TOX2: variants seen among roughly 807,000 people sequenced by gnomAD.
The protein encoded by TOX2 is TOX high mobility group box family member 2, also known as granulosa cell HMG box 1.
TOX2 carries 15 observed loss-of-function variants against 47.4 expected under a neutral mutation model. The observed-to-expected ratio is 0.32, with a 90% CI of 0.21 to 0.49. TOX2 has a LOEUF of 0.49. TOX2 is among the 20% of genes least tolerant of loss of function. TOX2 has a pLI of 0.99. For synonymous variants in TOX2, 290 were observed against 296.6 expected (o/e 0.98, Z 0.23); for missense variants, 622 against 673.1 (o/e 0.92, Z 0.84).
intron 1 of TOX2, among the ~76,000 whole-genome samples, chr20:43,968,492 C>T (rs2069901260): frequency 6.6e-6 from 1 of 152,116 alleles, no homozygotes; most frequent in South Asian, 2.1e-4. Flanking sequence ...CCGAGGAGCT[C>T]TTTTCCCTGA....
intron 4 of TOX2, among the ~76,000 whole-genome samples, chr20:44,053,541 T>TATATATACAC (rs1491124985): frequency 1.3e-4 from 6 of 46,862 alleles, no homozygotes; most frequent in Non-Finnish European, 2.8e-4. Flanking sequence ...ACATATATAC[T>TATATATACAC]ATATATATAC....
chr20:44,008,901 G>A (rs1285726665), intron 3 of TOX2, among the ~76,000 whole-genome samples: 2 of 152,254 alleles, frequency 1.3e-5, no homozygotes, highest in African/African-American at 4.8e-5. Context: ...CAACAGGCTT[G>A]ATGGCTGCTG....
At chr20:43,941,401 C>T (rs111733034) in intron 1 of TOX2, among the ~76,000 whole-genome samples, 16 of 151,116 alleles carry the variant, frequency 1.1e-4, no homozygotes, top group African/African-American at 3.9e-4. Context: ...GGCGCGATCT[C>T]GGCTCACTGC....
chr20:44,035,781 G>C (rs2071229451), intron 3 of TOX2, among the ~76,000 whole-genome samples: 2 of 152,188 alleles, frequency 1.3e-5, no homozygotes, highest in Admixed American at 6.5e-5. Context: ...TCATCTGTCA[G>C]GTTCCCTGGA....
intron 5 of TOX2, 81 bp from the exon 6 acceptor site, chr20:44,064,696 A>T: frequency 7.3e-7 from 1 of 1,364,414 alleles, no homozygotes. Context: ...CCTTGAATCC[A>T]TGCCTTCCCA....
intron 2 of TOX2, among the ~76,000 whole-genome samples, chr20:43,976,584 A>G (rs918577680): frequency 1.3e-5 from 2 of 152,234 alleles, no homozygotes; most frequent in African/African-American, 4.8e-5. Flanking sequence ...CCTTTTTACA[A>G]ACTACCACAT....
intron 2 of TOX2, 55 bp downstream of exon 2, chr20:43,973,487 T>C: frequency 6.4e-7 from 1 of 1,562,062 alleles, no homozygotes; most frequent in East Asian, 2.2e-5. Context: ...TGGCTGGATC[T>C]GAGCTGTTCC....
At chr20:43,926,652 G>T (rs951478508) in intron 1 of TOX2, among the ~76,000 whole-genome samples, 1 of 152,234 alleles carries the variant, frequency 6.6e-6, no homozygotes, top group African/African-American at 2.4e-5. Context: ...CAGGATCGGT[G>T]TAGCGCTTGT....
At chr20:43,955,327 G>C in intron 1 of TOX2, 1 of 983,764 alleles carries the variant, frequency 1.0e-6, no homozygotes, top group Non-Finnish European at 1.2e-6. Context: ...GGGGGCCTCT[G>C]GCAGCCATCG....
At chr20:43,999,291 C>T (rs920590576) in intron 2 of TOX2, among the ~76,000 whole-genome samples, 17 of 152,052 alleles carry the variant, frequency 1.1e-4, no homozygotes, top group African/African-American at 4.1e-4. Context: ...TGATAAAGTT[C>T]TGTTTTCTTC....
intron 5 of TOX2, among the ~76,000 whole-genome samples, chr20:44,064,405 G>C (rs2071773145): frequency 6.6e-6 from 1 of 152,238 alleles, no homozygotes; most frequent in African/African-American, 2.4e-5. Flanking sequence ...CTATGAACAA[G>C]TAGGTTCATT....
At chr20:43,930,776 T>TATG (rs2069241827) in intron 1 of TOX2, among the ~76,000 whole-genome samples, 1 of 152,212 alleles carries the variant, frequency 6.6e-6, no homozygotes, top group South Asian at 2.1e-4. Context: ...TTATGAACAC[T>TATG]ATGTTACCTG....
At chr20:43,928,794 A>G (rs1005532934) in intron 1 of TOX2, among the ~76,000 whole-genome samples, 1 of 152,026 alleles carries the variant, frequency 6.6e-6, no homozygotes, top group Non-Finnish European at 1.5e-5. Flanking sequence ...GCCACCATCA[A>G]TGTCTTTATG....
intron 1 of TOX2, among the ~76,000 whole-genome samples, chr20:43,961,123 A>C (rs1432842751): frequency 6.6e-6 from 1 of 152,250 alleles, no homozygotes. Flanking sequence ...GGGTGCCCCC[A>C]TGGCAGAGGG....
Position 43,916,116 on chromosome 20 carries a change from C to G in TOX2, c.99+1126C>G. ...CGGTCCCGGGCCGGCTGGAGCCAAG[C>G]GCGGGTTTTCGTCACTCGGAGCCCG... On this transcript the variant is annotated intron_variant, in intron 1 of 8. Transcript: ENST00000341197. The surrounding 1 kb of genome is among the most constrained non-coding windows in gnomAD (Gnocchi z 5.0). 2 of 985,474 alleles carry G rather than the reference C, an allele frequency of 2.0e-6. No homozygotes were observed. The highest frequency in any genetic ancestry group is 2.4e-6 in the Non-Finnish European group (2 of 829,918). The allele number at this position is 985,474 out of a possible 1,614,324, so 61.0% of individuals were successfully genotyped here. A position where few individuals can be genotyped will look rare whatever the true frequency, so the allele number is the denominator to read the frequency against.
intron 1 of TOX2, among the ~76,000 whole-genome samples, chr20:43,926,897 T>G (rs1045619355): frequency 6.6e-6 from 1 of 152,208 alleles, no homozygotes; most frequent in Non-Finnish European, 1.5e-5. Flanking sequence ...TCCGCAGTGG[T>G]CCACGAAGGT....
intron 3 of TOX2, among the ~76,000 whole-genome samples, chr20:44,013,153 A>G (rs1186042406): frequency 1.3e-5 from 2 of 152,016 alleles, no homozygotes; most frequent in Non-Finnish European, 2.9e-5. Flanking sequence ...AGTTCTGGGT[A>G]TTGACTCTGG....
chr20:44,044,826 C>T (rs982818705), intron 3 of TOX2, among the ~76,000 whole-genome samples: 3 of 152,276 alleles, frequency 2.0e-5, no homozygotes, highest in African/African-American at 4.8e-5. Context: ...TACTTGTGCA[C>T]CCACATTCCT....
intron 1 of TOX2, among the ~76,000 whole-genome samples, chr20:43,949,914 G>A (rs1208887456): frequency 1.3e-5 from 2 of 152,116 alleles, no homozygotes; most frequent in African/African-American, 4.8e-5. Flanking sequence ...TGTTAATTTA[G>A]GCAGTAGATG....
Sources: gnomAD v4.1 joint callset for allele counts (sites outside exome capture counted in the v4.1 genomes callset) on GRCh38, gnomAD v4.1.1 for gene constraint, Gnocchi (gnomAD v3.1) non-coding constraint, MANE v1.5 for transcripts, NCBI Gene and HGNC (gene_info 2026-07-23, HGNC 2026-07-21) for gene names.